STMN4: variants seen among roughly 807,000 people sequenced by gnomAD.
STMN4 encodes the protein stathmin 4.
In STMN4, 12 loss-of-function variants were observed where a neutral mutation model predicts 29.1. The ratio of observed to expected loss-of-function variants is 0.41; its 90% confidence interval spans 0.26 to 0.67. STMN4 has a LOEUF of 0.67. STMN4 is among the 30% of genes least tolerant of loss of function. The pLI, the probability that STMN4 is intolerant of heterozygous loss-of-function variation, is 0.30. For missense variants in STMN4, 181 were observed against 262.8 expected, an observed-to-expected ratio of 0.69 and a Z score of 2.15; for synonymous variants, 114 against 105.3, an observed-to-expected ratio of 1.08 and a Z score of -0.51.
chr8:27,243,353 A>G (rs1385466205), intron 2 of STMN4, among the ~76,000 whole-genome samples: 1 of 152,230 alleles, frequency 6.6e-6, no homozygotes, highest in Non-Finnish European at 1.5e-5. Flanking sequence ...GACTATAGGC[A>G]TATGCCACTA....
At chr8:27,257,662 A>C (rs567578199) in intron 1 of STMN4, among the ~76,000 whole-genome samples, 38 of 152,136 alleles carry the variant, frequency 2.5e-4, no homozygotes, top group Non-Finnish European at 5.0e-4. Context: ...AATGATGCCT[A>C]AACTCCTGGC....
intron 1 of STMN4, 107 bp downstream of exon 1, chr8:27,258,244 G>T (rs1409738137): frequency 1.3e-5 from 2 of 152,178 alleles, no homozygotes; most frequent in African/African-American, 4.8e-5. Flanking sequence ...AGAACCAAAG[G>T]TGACACAATA....
At position 27,241,277 on chromosome 8, in the gene STMN4, G is replaced by A. The variant is rs369087547; in HGVS notation, c.191-15C>T. On this transcript the variant is annotated splice_polypyrimidine_tract_variant and intron_variant, in intron 4 of 6. Transcript: ENST00000350889. ...CACCGTGTCTGCTACAGAGGGCAGA[G>A]AAGGGGCTGCTCACGTCCTGAAGAA... The A allele has an allele frequency of 2.6e-5, 42 of 1,614,032 alleles. No homozygotes were observed. The African/African-American group carries it at 4.7e-4, about 18-fold the overall frequency.
intron 6 of STMN4, chr8:27,239,734 T>C (rs1359477859): frequency 7.5e-6 from 11 of 1,466,144 alleles, no homozygotes; most frequent in Non-Finnish European, 9.9e-6. Flanking sequence ...TGAAGGATTT[T>C]AATTGTGTAA....
chr8:27,242,979 C>G (rs1801519738), intron 2 of STMN4, among the ~76,000 whole-genome samples: 6 of 152,188 alleles, frequency 3.9e-5, no homozygotes, highest in Admixed American at 3.9e-4. Context: ...TGGTCTGCCC[C>G]TCACAAGGTC....
rs145090760 is a variant in STMN4 at position 27,245,219 on chromosome 8, C to T, written c.-78-1418G>A. Among the ~76,000 whole-genome samples, 649 of 152,356 alleles carry T rather than the reference C, an allele frequency of 4.3e-3. 2 individuals are homozygous for T. The highest frequency in any genetic ancestry group is 7.4e-3 in the Non-Finnish European group (502 of 68,034). Reference sequence around the variant, plus strand: ...TGCATAGCATCCAGCAGACAGGAAGCACTGAATAAATGTTAGTCTCTTTGC... The same window carrying T: ...TGCATAGCATCCAGCAGACAGGAAGTACTGAATAAATGTTAGTCTCTTTGC... On this transcript the variant is annotated intron_variant, in intron 1 of 6. Transcript: ENST00000350889.
intron 6 of STMN4, 51 bp from the exon 7 acceptor site, chr8:27,236,956 CA>C: frequency 1.3e-6 from 2 of 1,569,208 alleles, no homozygotes; most frequent in Admixed American, 1.9e-5. Flanking sequence ...TGCCCGGGGA[CA>C]AAAAGGGAGG....
At chr8:27,239,170 A>C (rs1801393483) in intron 6 of STMN4, 1 of 1,516,700 alleles carries the variant, frequency 6.6e-7, no homozygotes, top group Non-Finnish European at 8.8e-7. Flanking sequence ...ACCTGTTGCC[A>C]AGGGCCTGAG....
intron 6 of STMN4, among the ~76,000 whole-genome samples, chr8:27,238,013 C>A (rs1321449236): frequency 6.6e-6 from 1 of 152,126 alleles, no homozygotes; most frequent in Non-Finnish European, 1.5e-5. Context: ...CCCACGGAGG[C>A]CCCCAGGTTT....
intron 1 of STMN4, among the ~76,000 whole-genome samples, chr8:27,250,642 T>C (rs1395227297): frequency 1.3e-5 from 2 of 152,128 alleles, no homozygotes; most frequent in African/African-American, 4.8e-5. Flanking sequence ...AGTGTGTGAT[T>C]CACTGGGTCT....
At chr8:27,252,172 G>A (rs974889351) in intron 1 of STMN4, among the ~76,000 whole-genome samples, 2 of 151,932 alleles carry the variant, frequency 1.3e-5, no homozygotes, top group African/African-American at 4.8e-5. Flanking sequence ...AGTATTCCAT[G>A]GTGTATATGT....
intron 1 of STMN4, among the ~76,000 whole-genome samples, chr8:27,253,780 A>G (rs538201603): frequency 1.0e-5 from 1 of 98,032 alleles, no homozygotes; most frequent in Non-Finnish European, 2.2e-5. Flanking sequence ...TGTTTTTCAG[A>G]AAGGAATTGT....
chr8:27,256,731 C>T (rs757361986), intron 1 of STMN4, among the ~76,000 whole-genome samples: 13 of 152,184 alleles, frequency 8.5e-5, no homozygotes, highest in Non-Finnish European at 1.9e-4. Flanking sequence ...ATACCATTTA[C>T]AATCCATAAG....
At chr8:27,238,305 G>A (rs1056626492) in intron 6 of STMN4, among the ~76,000 whole-genome samples, 2 of 152,174 alleles carry the variant, frequency 1.3e-5, no homozygotes, top group African/African-American at 4.8e-5. Flanking sequence ...CCCTGGCCTG[G>A]TGCACAGGTG....
intron 3 of STMN4, 108 bp from the exon 4 acceptor site, chr8:27,241,865 T>A (rs1801485383): frequency 1.5e-6 from 2 of 1,344,918 alleles, no homozygotes; most frequent in South Asian, 2.4e-5. Flanking sequence ...GGTGACCTGG[T>A]CCCCGAGCAC....
intron 1 of STMN4, among the ~76,000 whole-genome samples, chr8:27,248,331 T>G (rs927710880): frequency 6.6e-6 from 1 of 152,210 alleles, no homozygotes; most frequent in Non-Finnish European, 1.5e-5. Flanking sequence ...ATGAGGTTAC[T>G]ATGCAATTGA....
chr8:27,240,222 C>T, intron 5 of STMN4, 60 bp from the exon 6 acceptor site: 2 of 1,556,782 alleles, frequency 1.3e-6, no homozygotes, highest in South Asian at 2.5e-5. Context: ...GGTTTATTTT[C>T]ACCATCGTGG....
intron 1 of STMN4, among the ~76,000 whole-genome samples, chr8:27,257,388 G>A (rs1801971460): frequency 6.7e-6 from 1 of 149,686 alleles, no homozygotes; most frequent in Non-Finnish European, 1.5e-5. Context: ...TAAGACAGGG[G>A]GTATCCCTTC....
intron 1 of STMN4, among the ~76,000 whole-genome samples, chr8:27,248,832 C>T (rs1201762302): frequency 1.3e-5 from 2 of 152,222 alleles, no homozygotes; most frequent in Admixed American, 1.3e-4. Flanking sequence ...TGGCAACATT[C>T]GTTTGGGGAA....
Sources: gnomAD v4.1 joint callset for allele counts (sites outside exome capture counted in the v4.1 genomes callset) on GRCh38, gnomAD v4.1.1 for gene constraint, MANE v1.5 for transcripts, NCBI Gene and HGNC (gene_info 2026-07-23, HGNC 2026-07-21) for gene names.